Variants in IQSEC1 observed in about 807,000 individuals in gnomAD.
The protein encoded by IQSEC1 is IQ motif and Sec7 domain ArfGEF 1, also known as IQ motif and SEC7 domain-containing protein 1.
IQSEC1 carries 31 observed loss-of-function variants against 91.0 expected under a neutral mutation model. The observed-to-expected ratio is 0.34, with a 90% CI of 0.26 to 0.46. The LOEUF is 0.46. Among genes scored for constraint, IQSEC1 ranks in the 20% least tolerant of loss-of-function variants. IQSEC1 has a pLI of 1.00. For missense variants in IQSEC1, 1,388 were observed against 1,575.6 expected (o/e 0.88, Z 2.02); for synonymous variants, 699 against 662.6 (o/e 1.05, Z -0.84).
intron 1 of IQSEC1, among the ~76,000 whole-genome samples, chr3:13,231,806 A>G (rs982241389): frequency 6.6e-6 from 1 of 152,248 alleles, no homozygotes; most frequent in African/African-American, 2.4e-5. Flanking sequence ...AAACCTCAGG[A>G]AGTTGGACTA....
intron 1 of IQSEC1, among the ~76,000 whole-genome samples, chr3:12,943,311 C>T (rs894049651): frequency 4.6e-5 from 7 of 152,304 alleles, no homozygotes; most frequent in Non-Finnish European, 7.4e-5. Context: ...TGGGGCCATG[C>T]GGGGCGGGCT....
At chr3:13,273,288 G>A (rs1450824463) in intron 1 of IQSEC1, among the ~76,000 whole-genome samples, 5 of 152,130 alleles carry the variant, frequency 3.3e-5, no homozygotes, top group Non-Finnish European at 7.4e-5. Context: ...AGAAGTCCTG[G>A]CCAGCCCAAG....
intron 2 of IQSEC1, among the ~76,000 whole-genome samples, chr3:13,085,756 C>T (rs1705725519): frequency 1.3e-5 from 2 of 152,356 alleles, no homozygotes; most frequent in South Asian, 2.1e-4. Flanking sequence ...CCCGAGGCCA[C>T]GTCTTGGACT....
In IQSEC1 at chr3:12,899,739, G is replaced by A; in HGVS notation, c.*1244C>T. 2.0e-6 allele frequency: 2 copies of A among 985,450 alleles called. No individual in the cohort carries two copies. The highest frequency in any genetic ancestry group is 2.4e-6 in the Non-Finnish European group (2 of 829,930). The allele number at this position is 985,450 out of a possible 1,614,324, so 61.0% of individuals were successfully genotyped here. A position where few individuals can be genotyped will look rare whatever the true frequency, so the allele number is the denominator to read the frequency against. ...GGAAACACACACACCGCCCTGGGTT[G>A]CTAAACGCTAAAGTCAACCTTCAGG... On this transcript the variant is annotated 3_prime_UTR_variant, in exon 14 of 14. Transcript: ENST00000613206.
rs1418828301 is a variant in IQSEC1 at position 12,908,789 on chromosome 3, G to T, written c.2579-264C>A. ...TCCAGGCTCGGGAGTGGACAGGGAG[G>T]CACAGACTTGCCTGGGTCTGAGAGA... On this transcript the variant is annotated intron_variant, in intron 11 of 13. Transcript: ENST00000613206. This position sits in a 1 kb window ranked among gnomAD's most constrained non-coding sequence, Gnocchi z 4.9. Among the ~76,000 whole-genome samples the T allele has an allele frequency of 6.6e-6, 1 of 152,094 alleles. No homozygotes were observed. Among genetic ancestry groups the T allele is most frequent in the Admixed American group, 6.5e-5 (1 of 15,276 alleles).
chr3:13,237,257 T>A (rs938661021), intron 1 of IQSEC1, among the ~76,000 whole-genome samples: 2 of 151,492 alleles, frequency 1.3e-5, no homozygotes, highest in Non-Finnish European at 2.9e-5. Context: ...TGAGCAAGAG[T>A]CCCCCAGAAC....
chr3:13,169,005 A>T (rs945974469), intron 1 of IQSEC1, among the ~76,000 whole-genome samples: 2 of 152,180 alleles, frequency 1.3e-5, no homozygotes, highest in African/African-American at 4.8e-5. Context: ...ATTTATCACC[A>T]TATTCCTTAT....
At chr3:12,989,384 C>G (rs1701887826) in intron 1 of IQSEC1, among the ~76,000 whole-genome samples, 1 of 152,316 alleles carries the variant, frequency 6.6e-6, no homozygotes, top group South Asian at 2.1e-4. Context: ...AAGGAGAAAA[C>G]AGAAAAACAA....
chr3:13,087,855 G>A (rs894179250), intron 2 of IQSEC1, among the ~76,000 whole-genome samples: 6 of 152,148 alleles, frequency 3.9e-5, no homozygotes, highest in South Asian at 2.1e-4. Context: ...AGAGCACTAC[G>A]GAGGGATGGG....
chr3:13,238,575 A>G (rs1559283847), intron 1 of IQSEC1, among the ~76,000 whole-genome samples: 1 of 152,212 alleles, frequency 6.6e-6, no homozygotes, highest in Non-Finnish European at 1.5e-5. Flanking sequence ...AGGCAGGACC[A>G]CGTCTTGTCC....
At chr3:13,162,756 C>T (rs1707200514) in intron 2 of IQSEC1, among the ~76,000 whole-genome samples, 1 of 152,196 alleles carries the variant, frequency 6.6e-6, no homozygotes, top group African/African-American at 2.4e-5. Flanking sequence ...TGCACCAGGG[C>T]AGTCTCCCCT....
At chr3:13,281,616 C>T (rs750259206) in intron 1 of IQSEC1, among the ~76,000 whole-genome samples, 25 of 152,192 alleles carry the variant, frequency 1.6e-4, no homozygotes, top group Admixed American at 3.3e-4. Context: ...TGCAGCCCCC[C>T]TGGGGTGGGA....
chr3:12,936,542 C>T lies in IQSEC1; in HGVS notation c.474G>A (p.Leu158=). 6.2e-7 allele frequency: 1 copy of T among 1,613,500 alleles called. No individual in the cohort carries two copies. Among genetic ancestry groups the T allele is most frequent in the Non-Finnish European group, 8.5e-7 (1 of 1,180,040 alleles). ...AGGAGAACTGCATCCTCATGTTGGA[C>T]AGCACAATCCGGCGTGACATGCGGT... ...SENRMSRRIV[L]SNMRMQFSFE... Residue 158 remains leucine, a synonymous_variant, in exon 3 of 14, where the codon CTG becomes CTA. Coordinates refer to ENST00000613206, the MANE Select transcript of IQSEC1 (RefSeq NM_001134382.3).
chr3:12,931,580 A>T (rs979630339), intron 3 of IQSEC1, among the ~76,000 whole-genome samples: 3 of 152,184 alleles, frequency 2.0e-5, no homozygotes, highest in African/African-American at 7.2e-5. Context: ...GACACGTTAA[A>T]CACAAGGAGC....
intron 2 of IQSEC1, among the ~76,000 whole-genome samples, chr3:13,104,644 C>T (rs1039507434): frequency 2.6e-5 from 4 of 152,236 alleles, no homozygotes; most frequent in Admixed American, 1.3e-4. Context: ...CACCTCTCCC[C>T]CTCCGGTGGC....
chr3:12,959,749 C>T (rs1364230091), intron 1 of IQSEC1, among the ~76,000 whole-genome samples: 1 of 152,200 alleles, frequency 6.6e-6, no homozygotes, highest in African/African-American at 2.4e-5. Flanking sequence ...GGGATTAAAA[C>T]TAATCTCGAG....
At chr3:13,035,154 C>T (rs1205723651) in intron 1 of IQSEC1, among the ~76,000 whole-genome samples, 1 of 152,210 alleles carries the variant, frequency 6.6e-6, no homozygotes, top group Admixed American at 6.5e-5. Flanking sequence ...TTTTTCACAG[C>T]TGTGAGCCTG....
At chr3:13,263,109 G>C (rs565730392) in intron 1 of IQSEC1, among the ~76,000 whole-genome samples, 2 of 152,114 alleles carry the variant, frequency 1.3e-5, no homozygotes, top group African/African-American at 4.8e-5. Context: ...AATTAACTGG[G>C]TGCAGTGGTA....
chr3:13,114,057 T>G (rs1265178174), intron 2 of IQSEC1, among the ~76,000 whole-genome samples: 1 of 152,222 alleles, frequency 6.6e-6, no homozygotes, highest in African/African-American at 2.4e-5. Flanking sequence ...GCACACACTG[T>G]TGATGCAAAT....
Sources: allele counts gnomAD v4.1 joint callset (sites outside exome capture counted in the v4.1 genomes callset), GRCh38; gene constraint gnomAD v4.1.1; non-coding constraint Gnocchi (gnomAD v3.1); transcripts MANE v1.5; gene names NCBI Gene and HGNC (gene_info 2026-07-23, HGNC 2026-07-21).